Variants in SEMA4A observed in about 807,000 individuals in gnomAD.
SEMA4A encodes semaphorin 4A.
SEMA4A carries 52 observed loss-of-function variants against 72.5 expected under a neutral mutation model. That is an observed-to-expected ratio of 0.72 (90% CI 0.57 to 0.90). SEMA4A has a LOEUF of 0.90. SEMA4A is among the 40% of genes least tolerant of loss of function. The probability of loss-of-function intolerance (pLI) is 0.00; values close to 1 mark genes in which losing one functional copy is unlikely to be tolerated. For missense variants in SEMA4A, 926 were observed against 959.7 expected, an observed-to-expected ratio of 0.96 and a Z score of 0.46; for synonymous variants, 369 against 393.1, an observed-to-expected ratio of 0.94 and a Z score of 0.73.
intron 11 of SEMA4A, among the ~76,000 whole-genome samples, chr1:156,173,486 A>G (rs1299385588): frequency 1.3e-5 from 2 of 151,958 alleles, no homozygotes; most frequent in Admixed American, 6.6e-5. Context: ...AGGACTAAGC[A>G]TCTAGTAGAC....
intron 9 of SEMA4A, among the ~76,000 whole-genome samples, chr1:156,162,102 A>C (rs889715997): frequency 6.6e-6 from 1 of 152,180 alleles, no homozygotes; most frequent in Non-Finnish European, 1.5e-5. Context: ...CTCTACTAAA[A>C]ACACAAAAAT....
At chr1:156,173,502 G>T (rs890457138) in intron 11 of SEMA4A, among the ~76,000 whole-genome samples, 2 of 152,136 alleles carry the variant, frequency 1.3e-5, no homozygotes, top group African/African-American at 4.8e-5. Flanking sequence ...TAGACAGGGG[G>T]ATGGCAAAGA....
upstream of SEMA4A, among the ~76,000 whole-genome samples, chr1:156,148,379 G>A (rs1218187935): frequency 6.6e-6 from 1 of 152,198 alleles, no homozygotes; most frequent in Non-Finnish European, 1.5e-5. Context: ...TGAGGGTGGA[G>A]TGTCAGGAAT....
rs1396450157 is a variant in SEMA4A at position 156,175,540 on chromosome 1, T to C, written c.1593-16T>C. On this transcript the variant is annotated splice_polypyrimidine_tract_variant and intron_variant, in intron 13 of 14. Transcript: ENST00000368285. ...GCTCTTTTGAAGGATAATTTTTACT[T>C]TCTCTGCTCTCTTAGGAACTCCTGG... The C allele has an allele frequency of 3.7e-6, 6 of 1,600,536 alleles. No homozygotes were observed. Among genetic ancestry groups the C allele is most frequent in the Non-Finnish European group, 1.7e-6 (2 of 1,169,408 alleles).
chr1:156,171,877 G>A (rs544882583), intron 10 of SEMA4A, among the ~76,000 whole-genome samples: 109 of 151,496 alleles, frequency 7.2e-4, no homozygotes, highest in African/African-American at 2.2e-3. Flanking sequence ...TCTGCCTCCC[G>A]GGTTCAAGCG....
rs1401565427 is a variant in SEMA4A, at chr1:156,157,574, C to G, written c.301-496C>G. On this transcript the variant is annotated intron_variant, in intron 3 of 14. Coordinates refer to ENST00000368285, the MANE Select transcript of SEMA4A (RefSeq NM_022367.4). The surrounding 1 kb of genome is among the most constrained non-coding windows in gnomAD (Gnocchi z 4.5). ...GCACTAGCAATATTAGCAATCACCTCCATGGTTCATGTATCCTGATGTGTA... is the reference window on the plus strand; with the variant it reads ...GCACTAGCAATATTAGCAATCACCTGCATGGTTCATGTATCCTGATGTGTA... Among the ~76,000 whole-genome samples, 6 of 152,176 alleles carry G rather than the reference C, an allele frequency of 3.9e-5. No individual in the cohort carries two copies. The highest frequency in any genetic ancestry group is 8.8e-5 in the Non-Finnish European group (6 of 68,042).
rs752579836 is a variant in SEMA4A at position 156,174,832 on chromosome 1, G to A, written c.1326G>A (p.Ser442=). Residue 442 remains serine (S), a synonymous_variant, in exon 12 of 15, where the codon TCG becomes TCA. Transcript: ENST00000368285. ...LVMYLGTTTG[S]LHKAVVSGDS... Reference sequence around the variant, plus strand: ...TCTGTCTCCCCATAGCCACAGGGTCGCTCCACAAGGCTGTGGTAAGTGGGG... The same window carrying A: ...TCTGTCTCCCCATAGCCACAGGGTCACTCCACAAGGCTGTGGTAAGTGGGG... The A allele has an allele frequency of 8.7e-6, 14 of 1,614,142 alleles. No homozygotes were observed. The highest frequency in any genetic ancestry group is 1.1e-5 in the Non-Finnish European group (13 of 1,179,986).
chr1:156,149,103 G>A (rs556362315), upstream of SEMA4A, among the ~76,000 whole-genome samples: 1 of 152,266 alleles, frequency 6.6e-6, no homozygotes, highest in African/African-American at 2.4e-5. Context: ...CACCCAGCCG[G>A]AAGGGGCTTT....
At chr1:156,151,654 G>A (rs1652542063), upstream of SEMA4A, among the ~76,000 whole-genome samples, 1 of 151,912 alleles carries the variant, frequency 6.6e-6, no homozygotes, top group Non-Finnish European at 1.5e-5. Flanking sequence ...CCAGCATGGT[G>A]AAACCCCATC....
intron 10 of SEMA4A, among the ~76,000 whole-genome samples, chr1:156,171,433 C>T (rs1292649578): frequency 6.6e-6 from 1 of 152,124 alleles, no homozygotes; most frequent in East Asian, 1.9e-4. Flanking sequence ...CGTGCAAAAC[C>T]GTGAGGAGAA....
At chr1:156,158,017 G>T in intron 3 of SEMA4A, 53 bp from the exon 4 acceptor site, 1 of 1,584,336 alleles carries the variant, frequency 6.3e-7, no homozygotes, top group Non-Finnish European at 8.7e-7. Flanking sequence ...GTCACAGCTA[G>T]AACTGAGGAC....
intron 10 of SEMA4A, among the ~76,000 whole-genome samples, chr1:156,164,653 A>G (rs1167243286): frequency 1.3e-5 from 2 of 152,096 alleles, no homozygotes; most frequent in Non-Finnish European, 2.9e-5. Context: ...TGGTTAGATC[A>G]ATATTTATAT....
chr1:156,174,699 G>C, intron 11 of SEMA4A, 123 bp from the exon 12 acceptor site: 1 of 1,121,238 alleles, frequency 8.9e-7, no homozygotes, highest in Non-Finnish European at 1.3e-6. Context: ...TGATCTGGCT[G>C]ACCCGCGCCC....
intron 10 of SEMA4A, among the ~76,000 whole-genome samples, chr1:156,172,020 G>A (rs530112054): frequency 2.4e-4 from 36 of 151,366 alleles, no homozygotes; most frequent in African/African-American, 8.2e-4. Context: ...TCCTGACTTC[G>A]TGATCCGCCA....
chr1:156,171,772 TTA>T (rs1399001320), intron 10 of SEMA4A, among the ~76,000 whole-genome samples: 10 of 151,524 alleles, frequency 6.6e-5, no homozygotes, highest in Non-Finnish European at 1.5e-4. Context: ...AATTAATTAA[TTA>T]ATTAATTAAT....
intron 11 of SEMA4A, among the ~76,000 whole-genome samples, chr1:156,173,736 A>G (rs1677999917): frequency 6.6e-6 from 1 of 152,042 alleles, no homozygotes; most frequent in African/African-American, 2.4e-5. Context: ...TTCTCTATGT[A>G]GGTGGAGGAC....
rs750729394 is a variant in SEMA4A, at chr1:156,154,657, C to T, written c.79C>T (p.Pro27Ser). The T allele has an allele frequency of 1.3e-5, 21 of 1,604,788 alleles. No individual in the cohort carries two copies. Among genetic ancestry groups the T allele is most frequent in the Admixed American group, 1.7e-5 (1 of 58,242 alleles). The change falls in exon 2 of 15, where the codon CCG becomes TCG. Residue 27 changes from proline (P) to serine (S), a missense_variant. Coordinates refer to ENST00000368285, the MANE Select transcript of SEMA4A (RefSeq NM_022367.4). ...FLFQLLQLLL[P>S]TTTAGGGGQG... ...CTTCCAACTGCTTCAGCTGCTGCTG[C>T]CGACGACGACCGCGGGGGGAGGCGG... is the stretch of plus-strand genomic sequence containing the variant.
rs1453375430 is a variant in SEMA4A, at chr1:156,153,620, C to T, written c.-174C>T. 1.3e-5 allele frequency: 2 copies of T among 152,386 alleles called. No homozygotes were observed. The highest frequency in any genetic ancestry group is 1.9e-4 in the East Asian group (1 of 5,328). 9.4% of individuals were successfully genotyped at this position (152,386 alleles called of 1,614,324 possible). A position where few individuals can be genotyped will look rare whatever the true frequency, so the allele number is the denominator to read the frequency against. ...TTGGCATGATGGGCACCTGGAGGGC[C>T]GCACTCCCGTTCCAGCCAGGCTGAG... On this transcript the variant is annotated 5_prime_UTR_variant, in exon 1 of 15. Coordinates refer to ENST00000368285, the MANE Select transcript of SEMA4A (RefSeq NM_022367.4).
At chr1:156,152,312 C>T (rs1014143390), upstream of SEMA4A, among the ~76,000 whole-genome samples, 1 of 152,166 alleles carries the variant, frequency 6.6e-6, no homozygotes, top group Non-Finnish European at 1.5e-5. Flanking sequence ...GAGTCTATGA[C>T]TTCCAGAAAG....
Sources: gnomAD v4.1 joint callset for allele counts (sites outside exome capture counted in the v4.1 genomes callset) on GRCh38, gnomAD v4.1.1 for gene constraint, Gnocchi (gnomAD v3.1) non-coding constraint, MANE v1.5 for transcripts, NCBI Gene and HGNC (gene_info 2026-07-23, HGNC 2026-07-21) for gene names.